RPS6KA5: variants seen among roughly 807,000 people sequenced by gnomAD.
The protein encoded by RPS6KA5 is ribosomal protein S6 kinase alpha-5.
Under a neutral mutation model 85.5 loss-of-function variants are expected in RPS6KA5, and 27 were observed. The observed-to-expected ratio is 0.32, with a 90% confidence interval of 0.23 to 0.44. The LOEUF is 0.44. Ranked by LOEUF, RPS6KA5 falls within the 20% of genes least tolerant of loss-of-function variation. RPS6KA5 has a pLI of 1.00. For synonymous variants in RPS6KA5, 334 were observed against 348.2 expected, an observed-to-expected ratio of 0.96 and a Z score of 0.46; for missense variants, 811 against 980.9, an observed-to-expected ratio of 0.83 and a Z score of 2.31.
At position 90,885,741 on chromosome 14, in the gene RPS6KA5, CAAAAAAAAAAAAAAAAAAA is replaced by C. The variant is rs11312699; in HGVS notation, c.1836+4727_1836+4745del. On this transcript the variant is annotated intron_variant, in intron 14 of 16. Transcript: ENST00000614987. ...TGGGTGACAGAGCAAGACTCCATCT[CAAAAAAAAAAAAAAAAAAA>C]AAAAAAAAAAAAAGAAAAAAGAAAA... is the stretch of plus-strand genomic sequence containing the variant. 8.2e-4 allele frequency among the ~76,000 whole-genome samples: 23 copies of C among 27,892 alleles called. No homozygotes were observed. The East Asian group carries it at 0.022, about 27-fold the overall frequency. The allele number at this position is 27,892 out of a possible 152,430, so 18.3% of individuals were successfully genotyped here.
At chr14:91,059,255 G>T (rs966634314) in intron 1 of RPS6KA5, among the ~76,000 whole-genome samples, 9 of 145,030 alleles carry the variant, frequency 6.2e-5, no homozygotes, top group Admixed American at 5.9e-4. Flanking sequence ...CAGGAGAATC[G>T]CTTGAACCCG....
At chr14:90,938,138 G>C (rs1469816485) in intron 5 of RPS6KA5, among the ~76,000 whole-genome samples, 1 of 152,154 alleles carries the variant, frequency 6.6e-6, no homozygotes, top group Admixed American at 6.5e-5. Flanking sequence ...GGAGAAACTG[G>C]CCAAAACAAA....
chr14:90,991,075 C>A (rs1015170780), intron 2 of RPS6KA5, among the ~76,000 whole-genome samples: 1 of 151,906 alleles, frequency 6.6e-6, no homozygotes, highest in African/African-American at 2.4e-5. Context: ...TCAGGGTAAG[C>A]TGGGCGAAAA....
chr14:90,914,905 T>TA (rs2036030543), intron 7 of RPS6KA5, among the ~76,000 whole-genome samples: 1 of 151,846 alleles, frequency 6.6e-6, no homozygotes, highest in South Asian at 2.1e-4. Context: ...TGACAAACTT[T>TA]AAAAAGTTTT....
At chr14:90,914,871 G>A (rs747180336) in intron 7 of RPS6KA5, among the ~76,000 whole-genome samples, 22 of 152,274 alleles carry the variant, frequency 1.4e-4, no homozygotes, top group Non-Finnish European at 2.5e-4. Flanking sequence ...TCGTGTAGAC[G>A]AATGTGTAGA....
chr14:91,030,167 T>G (rs2042128396), intron 1 of RPS6KA5, among the ~76,000 whole-genome samples: 1 of 152,080 alleles, frequency 6.6e-6, no homozygotes, highest in Non-Finnish European at 1.5e-5. Flanking sequence ...AGATAAAGAA[T>G]GCAAACAGGG....
rs549957353 is a variant in RPS6KA5 at position 90,905,432 on chromosome 14, G to A, written c.957+717C>T. Among the ~76,000 whole-genome samples, 7 of 152,306 alleles carry A rather than the reference G, an allele frequency of 4.6e-5. No homozygotes were observed. In the South Asian group the frequency reaches 1.2e-3, roughly 27 times the overall value. On this transcript the variant is annotated intron_variant, in intron 8 of 16. Transcript: ENST00000614987. ...TAAAAGTCATATCTCCAGAGTTTTA[G>A]AAATCAAAGCCGTGGCATCCCCAGT...
chr14:90,862,081 A>T lies in RPS6KA5; in HGVS notation c.*9993T>A, dbSNP rs1346211372. On this transcript the variant is annotated 3_prime_UTR_variant, in exon 17 of 17. Transcript: ENST00000614987. ...GAGGAAACAATGGACAAAAGAAAATATTTGGTTTATCAAAAGAAGACACAA... is the reference window on the plus strand; with the variant it reads ...GAGGAAACAATGGACAAAAGAAAATTTTTGGTTTATCAAAAGAAGACACAA... 1 of 152,200 alleles carries T rather than the reference A, an allele frequency of 6.6e-6. No homozygotes were observed. The highest frequency in any genetic ancestry group is 1.5e-5 in the Non-Finnish European group (1 of 68,032). The allele number at this position is 152,200 out of a possible 1,614,324, so 9.4% of individuals were successfully genotyped here. A position where few individuals can be genotyped will look rare whatever the true frequency, so the allele number is the denominator to read the frequency against.
chr14:91,051,243 AAAATAAATAAATAAATAAATAAAT>A (rs59888963), intron 1 of RPS6KA5, among the ~76,000 whole-genome samples: 3 of 144,406 alleles, frequency 2.1e-5, no homozygotes, highest in East Asian at 4.1e-4. Context: ...TGTCTAAATA[AAAATAAATAAATAAATAAATAAAT>A]AAATAAATAA....
At chr14:90,983,817 GTCTCTCTCTC>G (rs531667852) in intron 2 of RPS6KA5, among the ~76,000 whole-genome samples, 16 of 111,118 alleles carry the variant, frequency 1.4e-4, no homozygotes, top group Admixed American at 3.9e-4. Flanking sequence ...CTCTCTCTCT[GTCTCTCTCTC>G]TCTCTCTCTC....
intron 12 of RPS6KA5, among the ~76,000 whole-genome samples, chr14:90,897,830 T>C (rs1566709009): frequency 1.3e-5 from 2 of 152,194 alleles, no homozygotes; most frequent in Admixed American, 6.5e-5. Context: ...AGATCACCCG[T>C]TGATTCCTTG....
intron 3 of RPS6KA5, among the ~76,000 whole-genome samples, chr14:90,949,414 C>T: frequency 6.6e-6 from 1 of 152,186 alleles, no homozygotes; most frequent in Non-Finnish European, 1.5e-5. Flanking sequence ...TATTTGCATA[C>T]TTACTTTCTC....
At chr14:90,877,426 G>A (rs2033550721) in intron 14 of RPS6KA5, among the ~76,000 whole-genome samples, 1 of 152,140 alleles carries the variant, frequency 6.6e-6, no homozygotes, top group Non-Finnish European at 1.5e-5. Flanking sequence ...AAGATTAACT[G>A]GAGTCTCATA....
At chr14:91,009,099 T>C (rs1175381799) in intron 1 of RPS6KA5, among the ~76,000 whole-genome samples, 3 of 152,238 alleles carry the variant, frequency 2.0e-5, no homozygotes, top group South Asian at 4.1e-4. Flanking sequence ...TCCATTTTTT[T>C]CCCTATTGGC....
intron 7 of RPS6KA5, among the ~76,000 whole-genome samples, chr14:90,909,189 T>C (rs1480373676): frequency 6.6e-6 from 1 of 152,194 alleles, no homozygotes; most frequent in African/African-American, 2.4e-5. Context: ...CTGTGGGACA[T>C]TTAGTCATGA....
intron 3 of RPS6KA5, among the ~76,000 whole-genome samples, chr14:90,953,315 C>G (rs1208630180): frequency 6.6e-6 from 1 of 152,120 alleles, no homozygotes. Context: ...CCAAATAATA[C>G]TCTTATAATT....
At chr14:90,948,660 A>G (rs1444856558) in intron 3 of RPS6KA5, among the ~76,000 whole-genome samples, 1 of 151,672 alleles carries the variant, frequency 6.6e-6, no homozygotes, top group Non-Finnish European at 1.5e-5. Flanking sequence ...GCGCCACCGC[A>G]CTCCAGCCTG....
At chr14:91,006,910 CAA>C (rs1055104548) in intron 1 of RPS6KA5, among the ~76,000 whole-genome samples, 1 of 152,142 alleles carries the variant, frequency 6.6e-6, no homozygotes, top group Non-Finnish European at 1.5e-5. Flanking sequence ...ATGCTGGTCT[CAA>C]GATTATAATT....
chr14:90,911,731 A>G (rs1418829115), intron 7 of RPS6KA5, among the ~76,000 whole-genome samples: 2 of 151,830 alleles, frequency 1.3e-5, no homozygotes, highest in Non-Finnish European at 2.9e-5. Flanking sequence ...ATACAAAATT[A>G]TATTTCTAGT....
Sources: allele counts gnomAD v4.1 joint callset (sites outside exome capture counted in the v4.1 genomes callset), GRCh38; gene constraint gnomAD v4.1.1; transcripts MANE v1.5; gene names NCBI Gene and HGNC (gene_info 2026-07-23, HGNC 2026-07-21).